The following PCDHB7 variants were observed in gnomAD, a reference collection of about 807,000 sequenced individuals.
PCDHB7 encodes protocadherin beta 7.
For synonymous variants in PCDHB7, 542 were observed against 463.1 expected (o/e 1.17, Z -2.19); for missense variants, 1,148 against 1,011.6 (o/e 1.13, Z -1.83).
chr5:141,175,299 T>C lies in PCDHB7; in HGVS notation c.*82T>C. On this transcript the variant is annotated 3_prime_UTR_variant, in exon 1 of 1. Coordinates refer to ENST00000231137, the MANE Select transcript of PCDHB7 (RefSeq NM_018940.4). ...GCGAGGTTCCCTTAAGGGAGTGTCT[T>C]TACATCATTTCAAATATGTACTCTT... The C allele has an allele frequency of 7.5e-7, 1 of 1,327,088 alleles. No individual in the cohort carries two copies. The allele number at this position is 1,327,088 out of a possible 1,614,324, so 82.2% of individuals were successfully genotyped here. A position where few individuals can be genotyped will look rare whatever the true frequency, so the allele number is the denominator to read the frequency against.
Position 141,174,465 on chromosome 5 carries a change from G to T in PCDHB7, c.1630G>T (p.Glu544Ter), listed in dbSNP as rs1241490647. The T allele has an allele frequency of 1.5e-5, 24 of 1,611,498 alleles. No individual in the cohort carries two copies. Among genetic ancestry groups the T allele is most frequent in the Non-Finnish European group, 2.0e-5 (24 of 1,179,660 alleles). The change falls in exon 1 of 1, where the codon GAG becomes TAG. Residue 544 changes from glutamate (E) to a stop codon, truncating the protein, a stop_gained. Transcript: ENST00000231137. LOFTEE classifies it low-confidence loss of function (END_TRUNC). ...CCGCGGCTCCCCCGCGCTGAGCAGC[G>T]AGGCGCTGGTGCGCGTGCTGGTGCT... ...TDRGSPALSS[E>*]ALVRVLVLDA...
chr5:141,173,506 G>C lies in PCDHB7; in HGVS notation c.671G>C (p.Gly224Ala). ...ALDGGSPPRS[G>A]TALVRILVLD... ...GACGGCGGCTCTCCTCCAAGATCAG[G>C]GACCGCCCTCGTGCGCATTCTGGTT... The change falls in exon 1 of 1, where the codon GGG becomes GCG. Residue 224 changes from glycine (G) to alanine (A), a missense_variant. Coordinates refer to ENST00000231137, the MANE Select transcript of PCDHB7 (RefSeq NM_018940.4). The C allele has an allele frequency of 6.2e-7, 1 of 1,614,004 alleles. No homozygotes were observed. The highest frequency in any genetic ancestry group is 8.5e-7 in the Non-Finnish European group (1 of 1,179,966).
rs782219988 is a variant in PCDHB7 at position 141,174,571 on chromosome 5, C to A, written c.1736C>A (p.Ala579Glu). 4 of 1,610,216 alleles carry A rather than the reference C, an allele frequency of 2.5e-6. No individual in the cohort carries two copies. In the South Asian group the frequency reaches 3.3e-5, roughly 13 times the overall value. ...SAPCTEPLPR[A>E]AEPGYLVTKV... ...CCCTGCACCGAGCCGTTGCCCCGGG[C>A]GGCCGAGCCGGGCTACCTGGTGACC... Residue 579 changes from alanine (A) to glutamate (E), a missense_variant, in exon 1 of 1, where the codon GCG becomes GAG. Coordinates refer to ENST00000231137, the MANE Select transcript of PCDHB7 (RefSeq NM_018940.4).
rs1753380471 is a variant in PCDHB7 at position 141,176,303 on chromosome 5, T to A, written c.*1086T>A. 6.0e-6 allele frequency: 1 copy of A among 167,148 alleles called. No homozygotes were observed. Among genetic ancestry groups the A allele is most frequent in the Non-Finnish European group, 1.5e-5 (1 of 68,128 alleles). The allele number at this position is 167,148 out of a possible 1,614,324, so 10.4% of individuals were successfully genotyped here. A position where few individuals can be genotyped will look rare whatever the true frequency, so the allele number is the denominator to read the frequency against. ...ATTTAAGAAAAAGAATAGTTAGTTT[T>A]AAATGCATAATATCAAAGAGAATCA... On this transcript the variant is annotated 3_prime_UTR_variant, in exon 1 of 1. Coordinates refer to ENST00000231137, the MANE Select transcript of PCDHB7 (RefSeq NM_018940.4).
In PCDHB7 at chr5:141,173,551, C is replaced by T. The variant is rs543149365; in HGVS notation, c.716C>T (p.Ala239Val). 8 of 1,613,634 alleles carry T rather than the reference C, an allele frequency of 5.0e-6. No individual in the cohort carries two copies. Among genetic ancestry groups the T allele is most frequent in the Admixed American group, 1.7e-5 (1 of 60,010 alleles). Residue 239 changes from alanine to valine, a missense_variant, in exon 1 of 1, where the codon GCC (alanine) becomes GTC (valine). Physicochemically the swap from Ala to Val is moderately conservative, Grantham distance 64 (BLOSUM62 0). Transcript: ENST00000231137. Reference sequence around the variant, plus strand: ...CTGGTTCTAGACGTAAATGACAACGCCCCTGATTTTGTGCGGTCGCTCTAC... The same window carrying T: ...CTGGTTCTAGACGTAAATGACAACGTCCCTGATTTTGTGCGGTCGCTCTAC... Reference protein sequence around the residue: ...RILVLDVNDNAPDFVRSLYKV... With the variant: ...RILVLDVNDNVPDFVRSLYKV...
rs1588346800 is a variant in PCDHB7, at chr5:141,173,028, A to G, written c.193A>G (p.Arg65Gly). The G allele has an allele frequency of 1.2e-6, 2 of 1,614,240 alleles. No individual in the cohort carries two copies. Among genetic ancestry groups the G allele is most frequent in the African/African-American group, 1.3e-5 (1 of 75,068 alleles). The change falls in exon 1 of 1, where the codon AGA becomes GGA. Residue 65 changes from arginine to glycine, a missense_variant. Physicochemically the swap from Arg to Gly is moderately radical, Grantham distance 125. Transcript: ENST00000231137. ...GVGELRARGTRIVSDQNMQIL... is the reference protein window; with the variant it reads ...GVGELRARGTGIVSDQNMQIL... ...AGGGGAACTGAGAGCCCGGGGAACT[A>G]GAATTGTTTCAGACCAGAACATGCA...
rs782022941 is a variant in PCDHB7, at chr5:141,175,115, T to A, written c.2280T>A (p.Asn760Lys). The A allele has an allele frequency of 2.5e-6, 4 of 1,614,192 alleles. No homozygotes were observed. The Admixed American group carries it at 6.7e-5, about 27-fold the overall frequency. The part of the protein sequence containing the change: ...EVCLTGGSGT[N>K]EFKFLKPIIP... ...GCCTGACTGGAGGCTCCGGGACAAA[T>A]GAGTTCAAGTTTCTGAAACCAATTA... Residue 760 changes from asparagine to lysine, a missense_variant, in exon 1 of 1, where the codon AAT (asparagine) becomes AAA (lysine). Physicochemically the swap from Asn to Lys is moderately conservative, Grantham distance 94. Coordinates refer to ENST00000231137, the MANE Select transcript of PCDHB7 (RefSeq NM_018940.4).
In PCDHB7 at chr5:141,173,242, G is replaced by C. The variant is rs1369004134; in HGVS notation, c.407G>C (p.Arg136Thr). ...GATCACGCTCCAGTATTTCTAGACA[G>C]AGAGATTTCCTTGAAAATATTAGAA... ...INDHAPVFLD[R>T]EISLKILEST... Residue 136 changes from arginine to threonine, a missense_variant, in exon 1 of 1, where the codon AGA becomes ACA. Arg to Thr is a moderately conservative substitution (Grantham distance 71). Transcript: ENST00000231137. 1 of 1,614,054 alleles carries C rather than the reference G, an allele frequency of 6.2e-7. No individual in the cohort carries two copies. Among genetic ancestry groups the C allele is most frequent in the Non-Finnish European group, 8.5e-7 (1 of 1,180,040 alleles).
Position 141,174,366 on chromosome 5 carries a change from G to T in PCDHB7, c.1531G>T (p.Gly511Cys). ...CCTGGTCTCCATCAACGCGGACAACGGCCACCTGTTTGCCCTCAGGTCCCT... is the reference window on the plus strand; with the variant it reads ...CCTGGTCTCCATCAACGCGGACAACTGCCACCTGTTTGCCCTCAGGTCCCT... Reference protein sequence around the residue: ...ASLVSINADNGHLFALRSLDY... With the variant: ...ASLVSINADNCHLFALRSLDY... The change falls in exon 1 of 1, where the codon GGC becomes TGC. Residue 511 changes from glycine (G) to cysteine (C), a missense_variant. By Grantham distance (159) the Gly-to-Cys change is radical (BLOSUM62 -3). Coordinates refer to ENST00000231137, the MANE Select transcript of PCDHB7 (RefSeq NM_018940.4). The T allele has an allele frequency of 6.2e-7, 1 of 1,612,768 alleles. No homozygotes were observed. Among genetic ancestry groups the T allele is most frequent in the Non-Finnish European group, 8.5e-7 (1 of 1,179,860 alleles).
In PCDHB7 at chr5:141,174,271, ACTCGGG is replaced by A. The variant is rs781954519; in HGVS notation, c.1438_1443del (p.Ser480_Gly481del). The A allele has an allele frequency of 6.2e-7, 1 of 1,612,524 alleles. No individual in the cohort carries two copies. Among genetic ancestry groups the A allele is most frequent in the Admixed American group, 1.7e-5 (1 of 59,984 alleles). On this transcript the variant is annotated inframe_deletion, in exon 1 of 1. Coordinates refer to ENST00000231137, the MANE Select transcript of PCDHB7 (RefSeq NM_018940.4). The stretch of plus-strand genomic sequence containing the variant: ...GGCAGTGTCAGCGCCACAGACAGAG[ACTCGGG>A]CACCAACGCCCAGGTCATCTACTCC...
chr5:141,175,225 T>C lies in PCDHB7; in HGVS notation c.*8T>C. ...AATAATTTGGGTTTCTGATAAAGAA[T>C]GTAAACTAAATCCGCGTCTGTGAAT... On this transcript the variant is annotated 3_prime_UTR_variant, in exon 1 of 1. Transcript: ENST00000231137. 1.3e-6 allele frequency: 2 copies of C among 1,594,450 alleles called. No homozygotes were observed. The highest frequency in any genetic ancestry group is 8.5e-7 in the Non-Finnish European group (1 of 1,171,016).
In PCDHB7 at chr5:141,173,417, G is replaced by C. The variant is rs1271010044; in HGVS notation, c.582G>C (p.Leu194Phe). 1 of 1,614,026 alleles carries C rather than the reference G, an allele frequency of 6.2e-7. No individual in the cohort carries two copies. Among genetic ancestry groups the C allele is most frequent in the Non-Finnish European group, 8.5e-7 (1 of 1,180,028 alleles). ...DSGEGNIYPE[L>F]VLNQVLDREE... ...GGGAGGGGAATATCTATCCCGAATT[G>C]GTGCTGAATCAAGTGCTGGATCGGG... The change falls in exon 1 of 1, where the codon TTG (leucine) becomes TTC (phenylalanine). Residue 194 changes from leucine (L) to phenylalanine (F), a missense_variant. By Grantham distance (22) the Leu-to-Phe change is conservative. Transcript: ENST00000231137.
rs1479819629 is a variant in PCDHB7, at chr5:141,175,794, G to T, written c.*577G>T. 10 of 168,694 alleles carry T rather than the reference G, an allele frequency of 5.9e-5. No individual in the cohort carries two copies. Among genetic ancestry groups the T allele is most frequent in the Middle Eastern group, 6.8e-3 (2 of 296 alleles). 10.4% of individuals were successfully genotyped at this position (168,694 alleles called of 1,614,324 possible). On this transcript the variant is annotated 3_prime_UTR_variant, in exon 1 of 1. Coordinates refer to ENST00000231137, the MANE Select transcript of PCDHB7 (RefSeq NM_018940.4). ...TGTCTGACTCTGGGTCAGTGACCCT[G>T]CTCCGATTCCATACTGTTTTCTGTC...
At position 141,174,580 on chromosome 5, in the gene PCDHB7, C is replaced by G. The variant is rs1753324121; in HGVS notation, c.1745C>G (p.Pro582Arg). 6.2e-7 allele frequency: 1 copy of G among 1,610,370 alleles called. No individual in the cohort carries two copies. The highest frequency in any genetic ancestry group is 2.2e-4 in the Middle Eastern group (1 of 4,524). Residue 582 changes from proline (P) to arginine (R), a missense_variant, in exon 1 of 1, where the codon CCG becomes CGG. Transcript: ENST00000231137. ...GAGCCGTTGCCCCGGGCGGCCGAGC[C>G]GGGCTACCTGGTGACCAAGGTGGTG... ...CTEPLPRAAE[P>R]GYLVTKVVAV... is the part of the protein sequence containing the mutation.
chr5:141,174,049 C>T lies in PCDHB7; in HGVS notation c.1214C>T (p.Thr405Ile). ...PSVENFYTLV[T>I]EKPLDRERNT... ...GTCGAAAACTTCTATACTCTGGTAA[C>T]AGAGAAACCTTTGGATCGAGAGAGG... Residue 405 changes from threonine (T) to isoleucine (I), a missense_variant, in exon 1 of 1, where the codon ACA becomes ATA. By Grantham distance (89) the Thr-to-Ile change is moderately conservative. Transcript: ENST00000231137. The T allele has an allele frequency of 6.2e-7, 1 of 1,614,064 alleles. No individual in the cohort carries two copies. The highest frequency in any genetic ancestry group is 1.1e-5 in the South Asian group (1 of 91,084).
Position 141,173,333 on chromosome 5 carries a change from C to G in PCDHB7, c.498C>G (p.Ser166Arg), listed in dbSNP as rs1554279963. 6.2e-7 allele frequency: 1 copy of G among 1,613,802 alleles called. No homozygotes were observed. The highest frequency in any genetic ancestry group is 8.5e-7 in the Non-Finnish European group (1 of 1,179,826). The change falls in exon 1 of 1, where the codon AGC becomes AGG. Residue 166 changes from serine to arginine, a missense_variant. Transcript: ENST00000231137. Reference sequence around the variant, plus strand: ...AGGATTCAGATGTTGGAACCAACAGCCTGAGTAACTACACCATCAGCCCCA... The same window carrying G: ...AGGATTCAGATGTTGGAACCAACAGGCTGAGTAACTACACCATCAGCCCCA... The part of the protein sequence containing the change: ...SAQDSDVGTN[S>R]LSNYTISPNA...
chr5:141,172,858 C>T lies in PCDHB7; in HGVS notation c.23C>T (p.Ala8Val), dbSNP rs1554279834. 8 of 1,613,682 alleles carry T rather than the reference C, an allele frequency of 5.0e-6. No individual in the cohort carries two copies. Among genetic ancestry groups the T allele is most frequent in the Non-Finnish European group, 6.8e-6 (8 of 1,179,630 alleles). ...AGAATGGAGGCCAGAGTGGAGCGTG[C>T]TGTGCAGAAAAGGCAAGTCTTATTT... The part of the protein sequence containing the change: MEARVER[A>V]VQKRQVLFLC... Residue 8 changes from alanine to valine, a missense_variant, in exon 1 of 1, where the codon GCT becomes GTT. By Grantham distance (64) the Ala-to-Val change is moderately conservative (BLOSUM62 0). Transcript: ENST00000231137.
Position 141,174,071 on chromosome 5 carries a change from G to C in PCDHB7, c.1236G>C (p.Glu412Asp), listed in dbSNP as rs1753294184. The C allele has an allele frequency of 1.2e-6, 2 of 1,613,920 alleles. No individual in the cohort carries two copies. Among genetic ancestry groups the C allele is most frequent in the East Asian group, 2.2e-5 (1 of 44,884 alleles). ...TLVTEKPLDRERNTEYNITIT... is the reference protein window; with the variant it reads ...TLVTEKPLDRDRNTEYNITIT... ...TAACAGAGAAACCTTTGGATCGAGA[G>C]AGGAACACTGAGTACAACATCACCA... Residue 412 changes from glutamate to aspartate, a missense_variant, in exon 1 of 1, where the codon GAG becomes GAC. By Grantham distance (45) the Glu-to-Asp change is conservative. Transcript: ENST00000231137.
In PCDHB7 at chr5:141,174,507, T is replaced by C; in HGVS notation, c.1672T>C (p.Ser558Pro). 6.2e-7 allele frequency: 1 copy of C among 1,610,736 alleles called. No individual in the cohort carries two copies. Among genetic ancestry groups the C allele is most frequent in the Non-Finnish European group, 8.5e-7 (1 of 1,179,558 alleles). ...GCTGGTGCTGGACGCCAACGACAAC[T>C]CGCCCTTCGTGCTGTACCCGCTGCA... ...RVLVLDANDN[S>P]PFVLYPLQNS... The change falls in exon 1 of 1, where the codon TCG (serine) becomes CCG (proline). Residue 558 changes from serine (S) to proline (P), a missense_variant. Coordinates refer to ENST00000231137, the MANE Select transcript of PCDHB7 (RefSeq NM_018940.4).
Sources: gnomAD v4.1 joint callset for allele counts on GRCh38, gnomAD v4.1.1 for gene constraint, MANE v1.5 for transcripts, NCBI Gene and HGNC (gene_info 2026-07-23, HGNC 2026-07-21) for gene names.